DPP6: variants seen among roughly 807,000 people sequenced by gnomAD.
DPP6 encodes dipeptidyl peptidase like 6.
DPP6 carries 69 observed loss-of-function variants against 122.6 expected under a neutral mutation model. That is an observed-to-expected ratio of 0.56 (90% CI 0.46 to 0.69). DPP6 has a LOEUF of 0.69. DPP6 is among the 30% of genes least tolerant of loss of function. DPP6 has a pLI of 0.00. For synonymous variants in DPP6, 418 were observed against 433.1 expected (o/e 0.97, Z 0.43); for missense variants, 928 against 1,116.9 (o/e 0.83, Z 2.41).
intron 1 of DPP6, among the ~76,000 whole-genome samples, chr7:154,386,227 TC>T (rs1252977599): frequency 1.3e-5 from 2 of 152,198 alleles, no homozygotes; most frequent in African/African-American, 4.8e-5. Context: ...TGCAACTGTT[TC>T]CATCCTCTCG....
chr7:154,261,258 T>A (rs1172769321), intron 1 of DPP6, among the ~76,000 whole-genome samples: 1 of 152,186 alleles, frequency 6.6e-6, no homozygotes, highest in Non-Finnish European at 1.5e-5. Context: ...AGTTTACATT[T>A]TCACCAGCAG....
intron 4 of DPP6, among the ~76,000 whole-genome samples, chr7:154,564,733 C>T (rs1467949897): frequency 6.6e-6 from 1 of 152,162 alleles, no homozygotes; most frequent in South Asian, 2.1e-4. Flanking sequence ...CAAATTCAAC[C>T]ATGTGATAAA....
chr7:154,373,540 A>G (rs781263732), intron 1 of DPP6, among the ~76,000 whole-genome samples: 18 of 152,178 alleles, frequency 1.2e-4, no homozygotes, highest in Admixed American at 3.3e-4. Flanking sequence ...GCAGACTCCT[A>G]TGGATTTTGC....
intron 2 of DPP6, among the ~76,000 whole-genome samples, chr7:154,451,835 T>C (rs1820405837): frequency 6.6e-6 from 1 of 152,234 alleles, no homozygotes; most frequent in Non-Finnish European, 1.5e-5. Flanking sequence ...TCATGGGTGC[T>C]GTTTGTTTCT....
At position 153,906,763 on chromosome 7, in the gene DPP6, C is replaced by G. The variant is rs77750564; in HGVS notation, c.51+19029C>G. ...CATTGCTCCCAACCCCAGTTTTTAA[C>G]TTTTTGTTGTCGAGCAATTTCACTA... is the stretch of plus-strand genomic sequence containing the variant. On this transcript the variant is annotated intron_variant, in intron 1 of 25. Transcript: ENST00000404039. 7.2e-5 allele frequency among the ~76,000 whole-genome samples: 11 copies of G among 152,318 alleles called. No homozygotes were observed. The East Asian group carries it at 1.7e-3, about 24-fold the overall frequency.
At chr7:153,862,191 T>C in the DPP6 span, among the ~76,000 whole-genome samples, 8 of 152,148 alleles carry the variant, frequency 5.3e-5, no homozygotes, top group African/African-American at 1.9e-4. Flanking sequence ...AGGATGTAGT[T>C]GTAACAAATA....
chr7:154,098,281 T>A (rs1249645239), intron 1 of DPP6, among the ~76,000 whole-genome samples: 2 of 152,208 alleles, frequency 1.3e-5, no homozygotes, highest in Non-Finnish European at 2.9e-5. Flanking sequence ...ACATATTTCC[T>A]TCCCCTTCTG....
At chr7:153,756,317 G>C in the DPP6 span, among the ~76,000 whole-genome samples, 5 of 151,448 alleles carry the variant, frequency 3.3e-5, no homozygotes, top group African/African-American at 4.8e-5. Flanking sequence ...TCTAACTTTA[G>C]AGGTAATTTC....
intron 5 of DPP6, among the ~76,000 whole-genome samples, chr7:154,599,003 GA>G (rs1338751595): frequency 6.6e-6 from 1 of 152,168 alleles, no homozygotes; most frequent in East Asian, 1.9e-4. Flanking sequence ...CTTTGGGAGA[GA>G]CCCTGCAGCA....
At chr7:154,511,494 T>A (rs1348400443) in intron 3 of DPP6, among the ~76,000 whole-genome samples, 1 of 152,236 alleles carries the variant, frequency 6.6e-6, no homozygotes, top group Non-Finnish European at 1.5e-5. Flanking sequence ...AACACTTTAT[T>A]CCTAAGGCGT....
chr7:154,231,674 G>A (rs1243127231), intron 1 of DPP6, among the ~76,000 whole-genome samples: 1 of 152,042 alleles, frequency 6.6e-6, no homozygotes, highest in African/African-American at 2.4e-5. Flanking sequence ...TCCCTTCTGT[G>A]TCTCTATGCC....
At chr7:154,763,164 T>C (rs1795667677) in intron 8 of DPP6, among the ~76,000 whole-genome samples, 2 of 152,190 alleles carry the variant, frequency 1.3e-5, no homozygotes, top group Non-Finnish European at 2.9e-5. Context: ...AAACCCCGTC[T>C]CTACTAAAAA....
intron 1 of DPP6, among the ~76,000 whole-genome samples, chr7:154,422,514 A>G (rs933120355): frequency 6.6e-6 from 1 of 152,198 alleles, no homozygotes; most frequent in Non-Finnish European, 1.5e-5. Flanking sequence ...CACCTTCAAA[A>G]AACACACAAT....
In DPP6 at chr7:154,801,662, C is replaced by T. The variant is rs558085683; in HGVS notation, c.1407+200C>T. Among the ~76,000 whole-genome samples the T allele has an allele frequency of 2.6e-5, 4 of 152,254 alleles. No homozygotes were observed. The South Asian group carries it at 6.2e-4, about 24-fold the overall frequency. ...CTGGTGGAACCTTGCTCTATCTGGT[C>T]ACGTGCGAGAATGTGAATGACGCTT... On this transcript the variant is annotated intron_variant, in intron 13 of 25. Coordinates refer to ENST00000377770, the MANE Select transcript of DPP6 (RefSeq NM_130797.4).
At chr7:154,391,726 C>G (rs184779366) in intron 1 of DPP6, among the ~76,000 whole-genome samples, 18 of 152,270 alleles carry the variant, frequency 1.2e-4, no homozygotes, top group African/African-American at 4.1e-4. Context: ...GTTGGTTCTT[C>G]CCAATGGTGA....
intron 1 of DPP6, among the ~76,000 whole-genome samples, chr7:154,147,278 T>C (rs148553881): frequency 7.3e-3 from 1,104 of 151,522 alleles, no homozygotes; most frequent in African/African-American, 0.026. Flanking sequence ...ACTTCCTTCC[T>C]GCCCAGTTCT....
intron 1 of DPP6, among the ~76,000 whole-genome samples, chr7:154,222,030 C>T (rs990063581): frequency 2.6e-5 from 4 of 152,192 alleles, no homozygotes; most frequent in Non-Finnish European, 5.9e-5. Context: ...GGGAGAACCT[C>T]TGTGACATGG....
chr7:153,792,452 G>A, the DPP6 span, among the ~76,000 whole-genome samples: 1 of 152,158 alleles, frequency 6.6e-6, no homozygotes, highest in African/African-American at 2.4e-5. Context: ...TAAGTGCTTA[G>A]GGAAATTCAC....
rs1395153828 is a variant in DPP6, at chr7:154,116,599, G to A, written c.243+63536G>A. On this transcript the variant is annotated intron_variant, in intron 1 of 25. Transcript: ENST00000377770. ...AAAATTATTTTCTCAGTGTGTGTTC[G>A]AGATATAAATATCCCTTCATCTCAA... 3.3e-5 allele frequency among the ~76,000 whole-genome samples: 5 copies of A among 152,244 alleles called. No individual in the cohort carries two copies. In the South Asian group the frequency reaches 6.2e-4, roughly 19 times the overall value.
Sources: allele counts gnomAD v4.1 joint callset (sites outside exome capture counted in the v4.1 genomes callset), GRCh38; gene constraint gnomAD v4.1.1; transcripts MANE v1.5; gene names NCBI Gene and HGNC (gene_info 2026-07-23, HGNC 2026-07-21).